Variants in DLG2 observed in about 807,000 individuals in gnomAD.
DLG2 encodes the protein disks large homolog 2.
DLG2 carries 45 observed loss-of-function variants against 132.5 expected under a neutral mutation model. The ratio of observed to expected loss-of-function variants is 0.34; its 90% confidence interval spans 0.27 to 0.44. The LOEUF (loss-of-function observed/expected upper bound fraction) is 0.44. DLG2 is among the 20% of genes least tolerant of loss of function. DLG2 has a pLI of 1.00. For synonymous variants in DLG2, 424 were observed against 419.6 expected (o/e 1.01, Z -0.13); for missense variants, 1,045 against 1,196.9 (o/e 0.87, Z 1.87).
intron 19 of DLG2, among the ~76,000 whole-genome samples, chr11:83,581,669 G>A (rs1716610113): frequency 6.6e-6 from 1 of 152,126 alleles, no homozygotes; most frequent in African/African-American, 2.4e-5. Flanking sequence ...AAATTAAAAA[G>A]ATCCTATGTG....
chr11:85,459,644 T>C (rs1270827015), intron 3 of DLG2, among the ~76,000 whole-genome samples: 2 of 152,084 alleles, frequency 1.3e-5, no homozygotes, highest in African/African-American at 4.8e-5. Context: ...CCTTTCCATA[T>C]AGTGGCTGTA....
chr11:84,686,053 T>A (rs909952006), intron 6 of DLG2, among the ~76,000 whole-genome samples: 1 of 152,186 alleles, frequency 6.6e-6, no homozygotes, highest in Non-Finnish European at 1.5e-5. Flanking sequence ...ATTTACAAGA[T>A]CTAAAGCACT....
rs778789265 is a variant in DLG2, at chr11:84,610,427, C to A, written c.358-75696G>T. Among the ~76,000 whole-genome samples, 3 of 152,068 alleles carry A rather than the reference C, an allele frequency of 2.0e-5. No homozygotes were observed. The East Asian group carries it at 5.8e-4, about 29-fold the overall frequency. On this transcript the variant is annotated intron_variant, in intron 6 of 27. Coordinates refer to ENST00000376104, the MANE Select transcript of DLG2 (RefSeq NM_001142699.3). ...AATTTTTTAAAAAACATGACAACTT[C>A]ATCAATATAGTCATATCACCAGGTC...
intron 8 of DLG2, among the ~76,000 whole-genome samples, chr11:84,233,914 A>G (rs532541199): frequency 1.5e-4 from 23 of 152,328 alleles, no homozygotes; most frequent in Non-Finnish European, 2.8e-4. Context: ...AGGGAAAGGC[A>G]GCTTCCCAAT....
chr11:84,323,824 A>AT (rs1013189714), intron 7 of DLG2, among the ~76,000 whole-genome samples: 1 of 147,762 alleles, frequency 6.8e-6, no homozygotes, highest in African/African-American at 2.5e-5. Context: ...GAGGTTGAGC[A>AT]TTTTTTCATA....
chr11:83,493,331 C>T (rs2093965023), intron 21 of DLG2, among the ~76,000 whole-genome samples: 1 of 140,024 alleles, frequency 7.1e-6, no homozygotes. Context: ...TTTGTCTTTT[C>T]TTTCTTTCCT....
At chr11:84,062,848 C>A (rs1594417800) in intron 10 of DLG2, among the ~76,000 whole-genome samples, 1 of 151,988 alleles carries the variant, frequency 6.6e-6, no homozygotes, top group African/African-American at 2.4e-5. Flanking sequence ...ACTTCCCTTC[C>A]TCCCAGAAAC....
intron 6 of DLG2, among the ~76,000 whole-genome samples, chr11:84,818,816 G>C (rs528895140): frequency 6.6e-6 from 1 of 151,944 alleles, no homozygotes; most frequent in Non-Finnish European, 1.5e-5. Context: ...TTGAGTGGCA[G>C]ACTAATGAAT....
chr11:85,080,288 T>C (rs1397794783), intron 6 of DLG2, among the ~76,000 whole-genome samples: 1 of 152,100 alleles, frequency 6.6e-6, no homozygotes, highest in Non-Finnish European at 1.5e-5. Flanking sequence ...GGAAAGAAGG[T>C]AATCTTTTCT....
intron 26 of DLG2, among the ~76,000 whole-genome samples, chr11:83,464,752 T>C (rs2090696250): frequency 1.3e-5 from 2 of 152,234 alleles, no homozygotes. Flanking sequence ...GGACCAAATG[T>C]GCCACTGCTG....
intron 18 of DLG2, chr11:83,693,854 C>T (rs1202033271): frequency 4.6e-5 from 7 of 152,150 alleles, no homozygotes; most frequent in South Asian, 2.1e-4. Context: ...CAGGGTTTCT[C>T]GGGTTTGTGA....
chr11:83,708,765 T>G (rs1393901149), intron 18 of DLG2, among the ~76,000 whole-genome samples: 1 of 152,124 alleles, frequency 6.6e-6, no homozygotes, highest in African/African-American at 2.4e-5. Flanking sequence ...ATCCTTTTTT[T>G]TAATGGGATA....
intron 6 of DLG2, among the ~76,000 whole-genome samples, chr11:84,667,419 A>G (rs7943254): frequency 0.061 from 9,236 of 152,074 alleles, 336 homozygotes; most frequent in South Asian, 0.083. Context: ...CAAAGTCTTT[A>G]AAATAAAAAA....
intron 8 of DLG2, among the ~76,000 whole-genome samples, chr11:84,185,726 A>C (rs1481489869): frequency 6.6e-6 from 1 of 152,108 alleles, no homozygotes; most frequent in African/African-American, 2.4e-5. Flanking sequence ...GATATCTCTT[A>C]TTATTTTGAG....
Position 83,752,576 on chromosome 11 carries a change from C to T in DLG2, c.1825+34114G>A, listed in dbSNP as rs140286896. On this transcript the variant is annotated intron_variant, in intron 18 of 27. Transcript: ENST00000376104. ...AATTTTGGTGAGTGGTGGGGATGAACGCCAGATAGAGTGGGTTCAAAGGAG... is the reference window on the plus strand; with the variant it reads ...AATTTTGGTGAGTGGTGGGGATGAATGCCAGATAGAGTGGGTTCAAAGGAG... Among the ~76,000 whole-genome samples the T allele has an allele frequency of 2.2e-3, 329 of 152,126 alleles. 2 individuals carry two copies. Among genetic ancestry groups the T allele is most frequent in the Non-Finnish European group, 2.4e-3 (161 of 68,012 alleles).
intron 10 of DLG2, among the ~76,000 whole-genome samples, chr11:84,072,257 C>T (rs2096769155): frequency 6.6e-6 from 1 of 152,220 alleles, no homozygotes; most frequent in South Asian, 2.1e-4. Context: ...CCAGCCCTGT[C>T]TCTTGCTATA....
intron 9 of DLG2, among the ~76,000 whole-genome samples, chr11:84,100,785 G>A (rs569024261): frequency 1.4e-4 from 21 of 152,162 alleles, no homozygotes; most frequent in African/African-American, 4.6e-4. Flanking sequence ...TCAATGTCAA[G>A]ATAAGATCAG....
intron 6 of DLG2, among the ~76,000 whole-genome samples, chr11:84,805,616 C>T (rs1420027557): frequency 6.6e-6 from 1 of 152,086 alleles, no homozygotes; most frequent in African/African-American, 2.4e-5. Flanking sequence ...AGCCTCCCCC[C>T]ATCTCTGTCT....
chr11:84,952,334 G>A (rs909890100), intron 6 of DLG2, among the ~76,000 whole-genome samples: 3 of 152,048 alleles, frequency 2.0e-5, no homozygotes, highest in East Asian at 1.9e-4. Context: ...TCGAGACCAC[G>A]GTGAAACCCC....
Sources: allele counts gnomAD v4.1 joint callset (sites outside exome capture counted in the v4.1 genomes callset), GRCh38; gene constraint gnomAD v4.1.1; transcripts MANE v1.5; gene names NCBI Gene and HGNC (gene_info 2026-07-23, HGNC 2026-07-21).